PSMG2: variants seen among roughly 807,000 people sequenced by gnomAD.
PSMG2 encodes the protein CD40 ligand-activated specific transcript 3.
In PSMG2, 21 loss-of-function variants were observed where a neutral mutation model predicts 31.5. That is an observed-to-expected ratio of 0.67 (90% CI 0.47 to 0.96). PSMG2 has a LOEUF of 0.96. Among genes scored for constraint, PSMG2 ranks in the 40% least tolerant of loss-of-function variants. The pLI, the probability that PSMG2 is intolerant of heterozygous loss-of-function variation, is 0.00. For missense variants in PSMG2, 318 were observed against 321.2 expected, an observed-to-expected ratio of 0.99 and a Z score of 0.08; for synonymous variants, 120 against 110.4, an observed-to-expected ratio of 1.09 and a Z score of -0.54.
In PSMG2 at chr18:12,718,758, A is replaced by AG. The variant is rs1347628393; in HGVS notation, c.407+129dup. ...CCTCTTCTTACTGGAGTTTAGAAAG[A>AG]GGGGGGTAAGAGAAGGTCAGGAGAT... On this transcript the variant is annotated intron_variant, in intron 4 of 6. Coordinates refer to ENST00000317615, the MANE Select transcript of PSMG2 (RefSeq NM_020232.5). 10 of 617,270 alleles carry AG rather than the reference A, an allele frequency of 1.6e-5. No homozygotes were observed. In the East Asian group the frequency reaches 2.8e-4, roughly 17 times the overall value. The allele number at this position is 617,270 out of a possible 1,614,324, so 38.2% of individuals were successfully genotyped here.
chr18:12,674,886 A>G, intron 1 of PSMG2: 1 of 526,202 alleles, frequency 1.9e-6, no homozygotes, highest in Non-Finnish European at 3.2e-6. Flanking sequence ...TTTAATAATA[A>G]TAATTATAGG....
chr18:12,712,675 G>A, intron 2 of PSMG2, 27 bp from the exon 3 acceptor site: 1 of 1,531,690 alleles, frequency 6.5e-7, no homozygotes, highest in Non-Finnish European at 9.0e-7. Context: ...ACTGTCATAT[G>A]ATTTCATTTT....
intron 1 of PSMG2, chr18:12,691,343 AAT>A: frequency 6.6e-7 from 1 of 1,521,640 alleles, no homozygotes; most frequent in Non-Finnish European, 8.9e-7. Flanking sequence ...AAATTATTCT[AAT>A]ATAATTTACA....
chr18:12,708,954 C>T (rs927782218), intron 2 of PSMG2, among the ~76,000 whole-genome samples: 32 of 151,762 alleles, frequency 2.1e-4, no homozygotes, highest in Admixed American at 5.3e-4. Flanking sequence ...TCAGATGATC[C>T]GCCTGCCTCG....
chr18:12,725,687 C>T lies in PSMG2; in HGVS notation c.*156C>T. The T allele has an allele frequency of 2.1e-6, 1 of 467,446 alleles. No individual in the cohort carries two copies. Among genetic ancestry groups the T allele is most frequent in the East Asian group, 3.5e-5 (1 of 28,744 alleles). 29.0% of individuals were successfully genotyped at this position (467,446 alleles called of 1,614,324 possible). On this transcript the variant is annotated 3_prime_UTR_variant, in exon 7 of 7. Transcript: ENST00000317615. The stretch of plus-strand genomic sequence containing the variant: ...TTAAGGGTCTCTTTGCCATGCTTTT[C>T]ATCATATGCACCAAATGTAAATTTT...
intron 1 of PSMG2, among the ~76,000 whole-genome samples, chr18:12,674,947 T>G (rs2039069492): frequency 6.6e-6 from 1 of 152,140 alleles, no homozygotes; most frequent in African/African-American, 2.4e-5. Context: ...GATCAGATTT[T>G]ACTTTTTAGA....
intron 1 of PSMG2, among the ~76,000 whole-genome samples, chr18:12,682,962 C>G (rs979435077): frequency 6.6e-6 from 1 of 151,816 alleles, no homozygotes; most frequent in African/African-American, 2.4e-5. Flanking sequence ...AGATTTTGTC[C>G]TAAAGAAAAT....
intron 3 of PSMG2, among the ~76,000 whole-genome samples, chr18:12,714,216 C>T (rs1359105332): frequency 3.9e-5 from 6 of 152,200 alleles, no homozygotes; most frequent in Non-Finnish European, 5.9e-5. Flanking sequence ...CAGTTCCTCA[C>T]GTTCCAAGTT....
intron 1 of PSMG2, among the ~76,000 whole-genome samples, chr18:12,704,813 C>G (rs1414833352): frequency 6.6e-6 from 1 of 152,016 alleles, no homozygotes; most frequent in African/African-American, 2.4e-5. Context: ...GAGTTTAACC[C>G]AAGTAGCAAA....
At chr18:12,664,320 G>A (rs953229658) in intron 1 of PSMG2, among the ~76,000 whole-genome samples, 1 of 151,950 alleles carries the variant, frequency 6.6e-6, no homozygotes, top group Non-Finnish European at 1.5e-5. Context: ...GAGAAGGGTG[G>A]ATCACGAGGC....
chr18:12,697,457 G>A, intron 1 of PSMG2: 3 of 1,220,446 alleles, frequency 2.5e-6, no homozygotes, highest in Non-Finnish European at 3.4e-6. Context: ...TATTCAGTTA[G>A]GCCAACATAA....
At position 12,660,319 on chromosome 18, in the gene PSMG2, C is replaced by CT. The variant is rs1598598721; in HGVS notation, c.-37+1546_-37+1547insT. Among the ~76,000 whole-genome samples the CT allele has an allele frequency of 7.1e-5, 9 of 126,460 alleles. 1 individual carries two copies. The South Asian group carries it at 2.1e-3, about 29-fold the overall frequency. 83.0% of individuals were successfully genotyped at this position (126,460 alleles called of 152,430 possible). On this transcript the variant is annotated intron_variant, in intron 1 of 6. Coordinates refer to the PSMG2 transcript ENST00000585331. ...TCCCTCTAATCAATGGAAAAAGATG[C>CT]ATTTTTTTTTTTTTTTTAATTGAGA...
At position 12,677,740 on chromosome 18, in the gene PSMG2, T is replaced by C. The variant is rs370552192; in HGVS notation, c.-37+18967T>C. ...TCCCAAAGTGCTGGGGTTATAGGCATGAGCCATCAAGCCCAGCCTAACCCA... is the reference window on the plus strand; with the variant it reads ...TCCCAAAGTGCTGGGGTTATAGGCACGAGCCATCAAGCCCAGCCTAACCCA... On this transcript the variant is annotated intron_variant, in intron 1 of 6. Coordinates refer to the PSMG2 transcript ENST00000585331. Among the ~76,000 whole-genome samples the C allele has an allele frequency of 1.8e-4, 27 of 152,272 alleles. No individual in the cohort carries two copies. In the East Asian group the frequency reaches 5.0e-3, roughly 28 times the overall value.
At chr18:12,690,086 GC>G (rs869224852) in intron 1 of PSMG2, among the ~76,000 whole-genome samples, 44 of 87,360 alleles carry the variant, frequency 5.0e-4, no homozygotes, top group African/African-American at 1.3e-3. Flanking sequence ...ACCGCGCCCG[GC>G]CAGGAAGCCA....
intron 1 of PSMG2, chr18:12,672,808 C>G (rs749600716): frequency 1.4e-5 from 14 of 983,894 alleles, no homozygotes; most frequent in Non-Finnish European, 1.6e-5. Flanking sequence ...TTTTCCTACT[C>G]TTGCTTCAAG....
intron 1 of PSMG2, chr18:12,697,234 A>G: frequency 6.2e-7 from 1 of 1,612,380 alleles, no homozygotes; most frequent in Non-Finnish European, 8.5e-7. Context: ...TACACCCATA[A>G]GTTCCACAGT....
chr18:12,711,132 C>G (rs1479666723), intron 2 of PSMG2, among the ~76,000 whole-genome samples: 1 of 151,872 alleles, frequency 6.6e-6, no homozygotes, highest in South Asian at 2.1e-4. Flanking sequence ...ATTAGCCAGG[C>G]GTGGTGGTGT....
At chr18:12,702,289 C>T (rs2040184487), upstream of PSMG2, 3 of 551,146 alleles carry the variant, frequency 5.4e-6, no homozygotes, top group Non-Finnish European at 9.5e-6. Context: ...CTAGCACCTG[C>T]TCGGCTCGTT....
At chr18:12,680,014 C>A (rs1459810869) in intron 1 of PSMG2, among the ~76,000 whole-genome samples, 1 of 150,622 alleles carries the variant, frequency 6.6e-6, no homozygotes, top group East Asian at 2.0e-4. Flanking sequence ...TGTGACTGTG[C>A]CACTGCACTC....
Sources: gnomAD v4.1 joint callset for allele counts (sites outside exome capture counted in the v4.1 genomes callset) on GRCh38, gnomAD v4.1.1 for gene constraint, MANE v1.5 for transcripts, NCBI Gene and HGNC (gene_info 2026-07-23, HGNC 2026-07-21) for gene names.